The following UGT2A2 variants were observed in gnomAD, a reference collection of about 807,000 sequenced individuals.
UGT2A2 encodes the protein UDP-glucuronosyltransferase 2A2.
A neutral mutation model predicts 50.7 loss-of-function variants in UGT2A2; 60 were observed. The observed-to-expected ratio is 1.18, with a 90% CI of 0.96 to 1.47. The LOEUF (loss-of-function observed/expected upper bound fraction) is 1.47, where lower values mean the gene tolerates loss of function less well. Among genes scored for constraint, UGT2A2 ranks in the 40% most tolerant of loss-of-function variants. The pLI, the probability that UGT2A2 is intolerant of heterozygous loss-of-function variation, is 0.00. For missense variants in UGT2A2, 762 were observed against 634.0 expected (o/e 1.20, Z -2.17); for synonymous variants, 242 against 214.6 (o/e 1.13, Z -1.11).
chr4:69,612,542 C>T (rs577455211), intron 1 of UGT2A2, among the ~76,000 whole-genome samples: 6 of 150,932 alleles, frequency 4.0e-5, no homozygotes, highest in East Asian at 2.0e-4. Context: ...GACAGATAGA[C>T]GAATGGAGCA....
At chr4:69,611,025 G>A (rs918091505) in intron 1 of UGT2A2, among the ~76,000 whole-genome samples, 1 of 152,234 alleles carries the variant, frequency 6.6e-6, no homozygotes, top group African/African-American at 2.4e-5. Context: ...GATGAAAGCT[G>A]TGTACATAAA....
At position 69,595,237 on chromosome 4, in the gene UGT2A2, A is replaced by G. The variant is rs745395054; in HGVS notation, c.1036T>C (p.Tyr346His). 18 of 1,613,708 alleles carry G rather than the reference A, an allele frequency of 1.1e-5. No homozygotes were observed. The South Asian group carries it at 1.9e-4, about 17-fold the overall frequency. ...AQIPQKVLWR[Y>H]KGKKPATLGN... The stretch of plus-strand genomic sequence containing the variant: ...AATGTGGCTGGTTTCTTTCCTTTGT[A>G]TCTCCATAAAACCTGTGGAAAATGG... The change falls in exon 4 of 6, where the codon TAC becomes CAC. Residue 346 changes from tyrosine (Y) to histidine (H), a missense_variant. By Grantham distance (83) the Tyr-to-His change is moderately conservative. Transcript: ENST00000604629.
chr4:69,620,322 A>G (rs1234682055), intron 1 of UGT2A2, among the ~76,000 whole-genome samples: 1 of 142,052 alleles, frequency 7.0e-6, no homozygotes, highest in Non-Finnish European at 1.6e-5. Flanking sequence ...AATCACTGCC[A>G]TTCCTATACA....
intron 1 of UGT2A2, among the ~76,000 whole-genome samples, chr4:69,620,148 G>A (rs1272297976): frequency 6.6e-6 from 1 of 151,910 alleles, no homozygotes; most frequent in African/African-American, 2.4e-5. Flanking sequence ...TCAGGCAAGA[G>A]AAAGAAATAA....
At chr4:69,612,368 C>A (rs1217740142) in intron 1 of UGT2A2, among the ~76,000 whole-genome samples, 1 of 151,908 alleles carries the variant, frequency 6.6e-6, no homozygotes, top group South Asian at 2.1e-4. Flanking sequence ...TGTCAAACTA[C>A]CAAAATCATC....
At chr4:69,592,159 G>T (rs1432327) in intron 5 of UGT2A2, among the ~76,000 whole-genome samples, 1 of 151,836 alleles carries the variant, frequency 6.6e-6, no homozygotes, top group Non-Finnish European at 1.5e-5. Flanking sequence ...GGTTACTTCC[G>T]TTAAGAAAAA....
chr4:69,639,352 C>T lies in UGT2A2; in HGVS notation c.289G>A (p.Glu97Lys). ...TCAATCCACAGCATTATCATATGCT[C>T]AATTAAGGAATCTATATTGCTCTTC... ...YKKSNIDSLIEHMIMLWIDHR... is the reference protein window; with the variant it reads ...YKKSNIDSLIKHMIMLWIDHR... Residue 97 changes from glutamate to lysine, a missense_variant, in exon 1 of 6, where the codon GAG becomes AAG. Coordinates refer to ENST00000604629, the MANE Select transcript of UGT2A2 (RefSeq NM_001105677.2). 11 of 1,613,642 alleles carry T rather than the reference C, an allele frequency of 6.8e-6. No homozygotes were observed. The highest frequency in any genetic ancestry group is 1.1e-5 in the South Asian group (1 of 91,026).
intron 1 of UGT2A2, among the ~76,000 whole-genome samples, chr4:69,637,433 G>C (rs1721773434): frequency 1.3e-5 from 2 of 152,106 alleles, no homozygotes; most frequent in South Asian, 4.1e-4. Flanking sequence ...GTAAGAGTAA[G>C]ATCAAGTTAG....
At position 69,611,297 on chromosome 4, in the gene UGT2A2, T is replaced by A. The variant is rs769087413; in HGVS notation, c.743-11903A>T. Among the ~76,000 whole-genome samples the A allele has an allele frequency of 7.3e-5, 11 of 150,550 alleles. 1 individual carries two copies. Among genetic ancestry groups the A allele is most frequent in the African/African-American group, 2.7e-4 (11 of 40,666 alleles). The stretch of plus-strand genomic sequence containing the variant: ...GTAGGTCACCTCCAAGTCCAGCTAT[T>A]CTTAATGCTATTAATTTCTGCCAAA... On this transcript the variant is annotated intron_variant, in intron 1 of 5. Coordinates refer to ENST00000604629, the MANE Select transcript of UGT2A2 (RefSeq NM_001105677.2).
chr4:69,620,604 T>C (rs1232026023), intron 1 of UGT2A2, among the ~76,000 whole-genome samples: 1 of 151,334 alleles, frequency 6.6e-6, no homozygotes, highest in Non-Finnish European at 1.5e-5. Flanking sequence ...ATTAATACCA[T>C]TCTTCACAGA....
chr4:69,600,064 C>A (rs1396378325), intron 1 of UGT2A2, among the ~76,000 whole-genome samples: 1 of 152,064 alleles, frequency 6.6e-6, no homozygotes, highest in Non-Finnish European at 1.5e-5. Flanking sequence ...ATAAAAGTAA[C>A]CATAAACCCT....
intron 1 of UGT2A2, among the ~76,000 whole-genome samples, chr4:69,621,215 T>C (rs960386397): frequency 4.6e-5 from 7 of 151,902 alleles, no homozygotes; most frequent in African/African-American, 1.7e-4. Context: ...ACAGACAATC[T>C]ACAGAATGAG....
In UGT2A2 at chr4:69,601,997, AT is replaced by A. The variant is rs1198876581; in HGVS notation, c.743-2604del. On this transcript the variant is annotated intron_variant, in intron 1 of 5. Transcript: ENST00000604629. ...AATTAATATAATCAAGAAAAAGTAT[AT>A]TATTGAAATAGAAATCAAATTAAAA... 2.2e-5 allele frequency among the ~76,000 whole-genome samples: 3 copies of A among 137,464 alleles called. 1 individual carries two copies. The highest frequency in any genetic ancestry group is 4.7e-5 in the Non-Finnish European group (3 of 64,468). 90.2% of individuals were successfully genotyped at this position (137,464 alleles called of 152,430 possible). A position where few individuals can be genotyped will look rare whatever the true frequency, so the allele number is the denominator to read the frequency against.
At chr4:69,632,635 A>G (rs1402715870) in intron 1 of UGT2A2, among the ~76,000 whole-genome samples, 1 of 152,180 alleles carries the variant, frequency 6.6e-6, no homozygotes, top group Non-Finnish European at 1.5e-5. Context: ...CAGGCCTGTA[A>G]TCCCAGCACT....
chr4:69,621,372 C>CAA (rs889156202), intron 1 of UGT2A2, among the ~76,000 whole-genome samples: 35 of 151,950 alleles, frequency 2.3e-4, no homozygotes, highest in African/African-American at 8.4e-4. Context: ...GACATACATG[C>CAA]AACCATCAAG....
At chr4:69,633,519 T>C (rs1721502950) in intron 1 of UGT2A2, among the ~76,000 whole-genome samples, 1 of 152,176 alleles carries the variant, frequency 6.6e-6, no homozygotes, top group Non-Finnish European at 1.5e-5. Flanking sequence ...GTGTTCATCA[T>C]AAGGTGGCAA....
chr4:69,605,893 T>C lies in UGT2A2; in HGVS notation c.743-6499A>G, dbSNP rs951658465. Among the ~76,000 whole-genome samples, 4 of 136,856 alleles carry C rather than the reference T, an allele frequency of 2.9e-5. 1 individual carries two copies. The highest frequency in any genetic ancestry group is 4.7e-5 in the Non-Finnish European group (3 of 64,406). The allele number at this position is 136,856 out of a possible 152,430, so 89.8% of individuals were successfully genotyped here. On this transcript the variant is annotated intron_variant, in intron 1 of 5. Coordinates refer to ENST00000604629, the MANE Select transcript of UGT2A2 (RefSeq NM_001105677.2). ...ATCAGGAAGACATTGAATCTCTGAATAGACCAATAACAGGCTCTGAAATTG... is the reference window on the plus strand; with the variant it reads ...ATCAGGAAGACATTGAATCTCTGAACAGACCAATAACAGGCTCTGAAATTG...
intron 1 of UGT2A2, among the ~76,000 whole-genome samples, chr4:69,622,701 C>T (rs950924629): frequency 6.6e-6 from 1 of 151,662 alleles, no homozygotes; most frequent in African/African-American, 2.4e-5. Flanking sequence ...AACTTCAATT[C>T]TATACTTGAT....
chr4:69,604,835 T>C lies in UGT2A2; in HGVS notation c.743-5441A>G, dbSNP rs866782878. Among the ~76,000 whole-genome samples the C allele has an allele frequency of 1.5e-5, 2 of 136,840 alleles. 1 individual carries two copies. The highest frequency in any genetic ancestry group is 5.9e-5 in the African/African-American group (2 of 33,804). 89.8% of individuals were successfully genotyped at this position (136,840 alleles called of 152,430 possible). A position where few individuals can be genotyped will look rare whatever the true frequency, so the allele number is the denominator to read the frequency against. On this transcript the variant is annotated intron_variant, in intron 1 of 5. Coordinates refer to ENST00000604629, the MANE Select transcript of UGT2A2 (RefSeq NM_001105677.2). ...AAAAGAGACAAAGAAGGCCATTACA[T>C]AATGGTAAAAGGATCAATTCAACAA...
Sources: allele counts gnomAD v4.1 joint callset (sites outside exome capture counted in the v4.1 genomes callset), GRCh38; gene constraint gnomAD v4.1.1; transcripts MANE v1.5; gene names NCBI Gene and HGNC (gene_info 2026-07-23, HGNC 2026-07-21).